The following GRID2 variants were observed in gnomAD, a reference collection of about 807,000 sequenced individuals.
GRID2 encodes the protein glutamate ionotropic receptor delta type subunit 2, also known as glutamate receptor ionotropic, delta-2.
GRID2 carries 33 observed loss-of-function variants against 114.8 expected under a neutral mutation model. That is an observed-to-expected ratio of 0.29 (90% CI 0.22 to 0.38). The LOEUF (loss-of-function observed/expected upper bound fraction) is 0.38. Among genes scored for constraint, GRID2 ranks in the 10% least tolerant of loss-of-function variants. GRID2 has a pLI of 1.00. For synonymous variants in GRID2, 505 were observed against 449.9 expected (o/e 1.12, Z -1.55); for missense variants, 1,184 against 1,257.7 (o/e 0.94, Z 0.89).
In GRID2 at chr4:92,377,931, A is replaced by G. The variant is rs185387437; in HGVS notation, c.88+73187A>G. ...ATTTGAGTGGGGACACAGCCAAACT[A>G]TATCACTACCCAATATTTCAACGTA... On this transcript the variant is annotated intron_variant, in intron 1 of 15. Coordinates refer to ENST00000282020, the MANE Select transcript of GRID2 (RefSeq NM_001510.4). Among the ~76,000 whole-genome samples the G allele has an allele frequency of 1.6e-3, 248 of 152,254 alleles. 1 individual carries two copies. The highest frequency in any genetic ancestry group is 5.7e-3 in the African/African-American group (235 of 41,554).
At chr4:93,763,097 C>T (rs949194396) in intron 14 of GRID2, among the ~76,000 whole-genome samples, 1 of 152,052 alleles carries the variant, frequency 6.6e-6, no homozygotes, top group African/African-American at 2.4e-5. Flanking sequence ...CAAGCCCATC[C>T]CACCTCAAAG....
rs1729340088 is a variant in GRID2 at position 93,721,195 on chromosome 4, G to A, written c.2361-48015G>A. 2.6e-5 allele frequency among the ~76,000 whole-genome samples: 4 copies of A among 152,270 alleles called. No homozygotes were observed. In the South Asian group the frequency reaches 8.3e-4, roughly 32 times the overall value. ...GTCTTTCTCAATAAATTTTTAGGTT[G>A]TGGTGTATTTATCAGCCTAACAAAA... On this transcript the variant is annotated intron_variant, in intron 14 of 15. Transcript: ENST00000282020.
chr4:93,073,485 C>G (rs1728990133), intron 2 of GRID2, among the ~76,000 whole-genome samples: 1 of 152,076 alleles, frequency 6.6e-6, no homozygotes, highest in Non-Finnish European at 1.5e-5. Flanking sequence ...AGTAGGACTT[C>G]CAGGCAACAG....
At chr4:92,815,518 T>A (rs1455399863) in intron 2 of GRID2, among the ~76,000 whole-genome samples, 1 of 152,084 alleles carries the variant, frequency 6.6e-6, no homozygotes, top group Non-Finnish European at 1.5e-5. Context: ...TAAATAAAGG[T>A]AGGTATAGGA....
Position 92,411,624 on chromosome 4 carries a change from C to CGTGTGT in GRID2, c.88+106880_88+106881insGTGTGT, listed in dbSNP as rs1731305671. ...TGTGCATTATATATAGATATATATG[C>CGTGTGT]ATGTGTGTGTGTGTGTGTGTGTGTG... is the stretch of plus-strand genomic sequence containing the variant. On this transcript the variant is annotated intron_variant, in intron 1 of 15. Coordinates refer to ENST00000282020, the MANE Select transcript of GRID2 (RefSeq NM_001510.4). Among the ~76,000 whole-genome samples, 9 of 90,902 alleles carry CGTGTGT rather than the reference C, an allele frequency of 9.9e-5. 1 individual carries two copies. The highest frequency in any genetic ancestry group is 7.2e-4 in the South Asian group (2 of 2,762). 59.6% of individuals were successfully genotyped at this position (90,902 alleles called of 152,430 possible). A position where few individuals can be genotyped will look rare whatever the true frequency, so the allele number is the denominator to read the frequency against.
At chr4:92,428,034 G>A (rs939945933) in intron 1 of GRID2, among the ~76,000 whole-genome samples, 53 of 151,952 alleles carry the variant, frequency 3.5e-4, no homozygotes, top group African/African-American at 1.2e-4. Context: ...AGGCTGAGGC[G>A]GGCGGATCAT....
At chr4:92,972,988 T>A (rs1038426664) in intron 2 of GRID2, among the ~76,000 whole-genome samples, 1 of 152,204 alleles carries the variant, frequency 6.6e-6, no homozygotes, top group Non-Finnish European at 1.5e-5. Context: ...GTAACACAAT[T>A]TTTTTAATCC....
intron 2 of GRID2, among the ~76,000 whole-genome samples, chr4:92,750,522 A>T (rs1345313244): frequency 1.3e-5 from 2 of 152,194 alleles, no homozygotes; most frequent in Admixed American, 6.5e-5. Flanking sequence ...GTGTGCTAGA[A>T]TGGTGCTAGA....
chr4:93,645,441 G>T (rs1722022199), intron 14 of GRID2, among the ~76,000 whole-genome samples: 1 of 152,144 alleles, frequency 6.6e-6, no homozygotes, highest in South Asian at 2.1e-4. Context: ...GATGGTTATT[G>T]ACTTGGGCAA....
At chr4:92,340,307 C>G (rs1464312952) in intron 1 of GRID2, among the ~76,000 whole-genome samples, 1 of 152,192 alleles carries the variant, frequency 6.6e-6, no homozygotes, top group African/African-American at 2.4e-5. Context: ...TATTCCTGCT[C>G]AGTCCAATCT....
intron 2 of GRID2, among the ~76,000 whole-genome samples, chr4:92,622,839 C>G (rs1730336889): frequency 6.6e-6 from 1 of 151,648 alleles, no homozygotes; most frequent in Admixed American, 6.6e-5. Context: ...AATGACTTCA[C>G]AGGTTTATTG....
intron 14 of GRID2, among the ~76,000 whole-genome samples, chr4:93,757,056 A>G (rs1349957611): frequency 2.6e-5 from 4 of 152,232 alleles, no homozygotes; most frequent in Non-Finnish European, 5.9e-5. Flanking sequence ...ATGGAATCTG[A>G]GTCCTGAGAG....
At chr4:92,884,096 G>T (rs552359021) in intron 2 of GRID2, among the ~76,000 whole-genome samples, 1 of 152,270 alleles carries the variant, frequency 6.6e-6, no homozygotes, top group South Asian at 2.1e-4. Flanking sequence ...TATGATCCTA[G>T]CTAGACCTCT....
Position 92,451,779 on chromosome 4 carries a change from G to A in GRID2, c.89-138352G>A, listed in dbSNP as rs1355727957. 3.3e-5 allele frequency among the ~76,000 whole-genome samples: 5 copies of A among 152,154 alleles called. No homozygotes were observed. The East Asian group carries it at 7.7e-4, about 23-fold the overall frequency. On this transcript the variant is annotated intron_variant, in intron 1 of 15. Coordinates refer to ENST00000282020, the MANE Select transcript of GRID2 (RefSeq NM_001510.4). Reference sequence around the variant, plus strand: ...AGCAATAATTCAGGAAAATTAGGCAGAAGGGTATGTTCACAAAATAATCCT... The same window carrying A: ...AGCAATAATTCAGGAAAATTAGGCAAAAGGGTATGTTCACAAAATAATCCT...
chr4:92,988,987 T>A (rs1002274653), intron 2 of GRID2, among the ~76,000 whole-genome samples: 2 of 151,944 alleles, frequency 1.3e-5, no homozygotes, highest in Non-Finnish European at 2.9e-5. Context: ...TAAGTATATA[T>A]AAAAATCCCT....
intron 2 of GRID2, among the ~76,000 whole-genome samples, chr4:92,600,439 A>G (rs1298958876): frequency 6.6e-6 from 1 of 151,990 alleles, no homozygotes; most frequent in Non-Finnish European, 1.5e-5. Flanking sequence ...TGCTTTTATT[A>G]TGTTATATTT....
intron 8 of GRID2, among the ~76,000 whole-genome samples, chr4:93,290,369 G>C (rs1484562621): frequency 6.6e-6 from 1 of 151,900 alleles, no homozygotes; most frequent in Non-Finnish European, 1.5e-5. Context: ...AGATTTCTCT[G>C]GAAAAATTAG....
intron 1 of GRID2, among the ~76,000 whole-genome samples, chr4:93,798,457 G>A (rs964560050): frequency 6.6e-6 from 1 of 152,100 alleles, no homozygotes; most frequent in Non-Finnish European, 1.5e-5. Context: ...TAGGAACCCA[G>A]GATCTTGGCA....
At chr4:92,764,837 T>G (rs1390195598) in intron 2 of GRID2, among the ~76,000 whole-genome samples, 1 of 152,136 alleles carries the variant, frequency 6.6e-6, no homozygotes, top group African/African-American at 2.4e-5. Context: ...TATTGTATAG[T>G]AGAAAGCAAG....
Sources: allele counts gnomAD v4.1 joint callset (sites outside exome capture counted in the v4.1 genomes callset), GRCh38; gene constraint gnomAD v4.1.1; transcripts MANE v1.5; gene names NCBI Gene and HGNC (gene_info 2026-07-23, HGNC 2026-07-21).